The following SHISA9 variants were observed in gnomAD, a reference collection of about 807,000 sequenced individuals.
SHISA9 encodes shisa family member 9.
A neutral mutation model predicts 38.0 loss-of-function variants in SHISA9; 13 were observed. The observed-to-expected ratio is 0.34, with a 90% CI of 0.22 to 0.54. The LOEUF is 0.54. Ranked by LOEUF, SHISA9 falls within the 20% of genes least tolerant of loss-of-function variation. The pLI, the probability that SHISA9 is intolerant of heterozygous loss-of-function variation, is 0.91. For missense variants in SHISA9, 538 were observed against 575.8 expected, an observed-to-expected ratio of 0.93 and a Z score of 0.67; for synonymous variants, 275 against 242.0, an observed-to-expected ratio of 1.14 and a Z score of -1.27.
At chr16:13,317,509 T>G in the SHISA9 span, among the ~76,000 whole-genome samples, 4 of 152,138 alleles carry the variant, frequency 2.6e-5, no homozygotes, top group African/African-American at 9.7e-5. Flanking sequence ...CATGCAGGTT[T>G]GTTACATATG....
At chr16:13,532,983 A>G in the SHISA9 span, among the ~76,000 whole-genome samples, 1 of 151,948 alleles carries the variant, frequency 6.6e-6, no homozygotes, top group Admixed American at 6.6e-5. Context: ...TCAGCCCCTT[A>G]CTTACCTCAT....
intron 2 of SHISA9, among the ~76,000 whole-genome samples, chr16:13,047,672 AATAAAC>A (rs1310853511): frequency 6.6e-6 from 1 of 152,186 alleles, no homozygotes; most frequent in Non-Finnish European, 1.5e-5. Flanking sequence ...AGTGAGAAGA[AATAAAC>A]ATCTATCAAG....
chr16:13,405,275 A>G, the SHISA9 span, among the ~76,000 whole-genome samples: 5 of 152,242 alleles, frequency 3.3e-5, no homozygotes, highest in East Asian at 9.6e-4. Context: ...GAAAGGAAGC[A>G]GACCCCTTCA....
chr16:13,249,363 T>G, the SHISA9 span, among the ~76,000 whole-genome samples: 1 of 152,228 alleles, frequency 6.6e-6, no homozygotes, highest in African/African-American at 2.4e-5. Context: ...GGGCAATCAA[T>G]TTAGCCTCCT....
intron 2 of SHISA9, among the ~76,000 whole-genome samples, chr16:13,046,559 G>A (rs1501307): frequency 0.62 from 94,507 of 152,098 alleles, 30,038 homozygotes; most frequent in Middle Eastern, 0.74. Context: ...TCAATATTCT[G>A]TGCAAAGCAG....
the SHISA9 span, among the ~76,000 whole-genome samples, chr16:13,437,415 C>T: frequency 6.6e-6 from 1 of 152,100 alleles, no homozygotes; most frequent in East Asian, 1.9e-4. Flanking sequence ...TTAATATGCC[C>T]AACCACTCAG....
chr16:13,087,879 G>A (rs1035633972), intron 2 of SHISA9, among the ~76,000 whole-genome samples: 1 of 152,180 alleles, frequency 6.6e-6, no homozygotes, highest in Admixed American at 6.5e-5. Flanking sequence ...TGGTGTTTTA[G>A]TTATGAAGCC....
chr16:13,104,166 G>A (rs1184699631), intron 2 of SHISA9, among the ~76,000 whole-genome samples: 1 of 152,120 alleles, frequency 6.6e-6, no homozygotes, highest in Non-Finnish European at 1.5e-5. Context: ...AGGTTTACCA[G>A]CTTTCCATAT....
chr16:13,269,610 T>A, the SHISA9 span, among the ~76,000 whole-genome samples: 1 of 152,178 alleles, frequency 6.6e-6, no homozygotes, highest in Admixed American at 6.5e-5. Flanking sequence ...GGTTTTCTCA[T>A]CTAACAAATA....
intron 2 of SHISA9, among the ~76,000 whole-genome samples, chr16:13,107,216 G>A (rs2141962825): frequency 6.6e-6 from 1 of 152,038 alleles, no homozygotes; most frequent in Non-Finnish European, 1.5e-5. Context: ...TAGATCACCT[G>A]AGGTCAGTAG....
the SHISA9 span, among the ~76,000 whole-genome samples, chr16:13,418,567 T>C: frequency 6.6e-6 from 1 of 152,144 alleles, no homozygotes; most frequent in Admixed American, 6.5e-5. Flanking sequence ...CCCCCCAGTA[T>C]GGCGGTCTTA....
the SHISA9 span, among the ~76,000 whole-genome samples, chr16:13,559,243 C>T: frequency 6.6e-6 from 1 of 152,128 alleles, no homozygotes; most frequent in African/African-American, 2.4e-5. Flanking sequence ...AGAAACGATT[C>T]TAGAGAACTG....
chr16:13,348,045 C>G, the SHISA9 span, among the ~76,000 whole-genome samples: 1 of 152,096 alleles, frequency 6.6e-6, no homozygotes, highest in African/African-American at 2.4e-5. Flanking sequence ...AATTTCCAAC[C>G]CACATAACTA....
the SHISA9 span, among the ~76,000 whole-genome samples, chr16:13,401,485 C>T: frequency 5.3e-5 from 8 of 152,202 alleles, no homozygotes; most frequent in Non-Finnish European, 1.0e-4. Flanking sequence ...ATAGTGAAGG[C>T]CTAACCCCCC....
At chr16:13,224,376 A>G (rs1180071698) in intron 4 of SHISA9, among the ~76,000 whole-genome samples, 1 of 152,222 alleles carries the variant, frequency 6.6e-6, no homozygotes, top group Non-Finnish European at 1.5e-5. Flanking sequence ...GCGACATAAA[A>G]GCACTTAACC....
chr16:12,944,748 G>T (rs2071667175), intron 2 of SHISA9, among the ~76,000 whole-genome samples: 1 of 152,164 alleles, frequency 6.6e-6, no homozygotes, highest in South Asian at 2.1e-4. Flanking sequence ...CCCTAAGACT[G>T]TTTGGAAAAA....
chr16:13,506,344 C>T, the SHISA9 span, among the ~76,000 whole-genome samples: 1 of 152,050 alleles, frequency 6.6e-6, no homozygotes, highest in Admixed American at 6.6e-5. Flanking sequence ...TGATTTCCAT[C>T]CCAACAGAGG....
At chr16:13,538,861 A>C in the SHISA9 span, among the ~76,000 whole-genome samples, 1,395 of 152,170 alleles carry the variant, frequency 9.2e-3, 70 homozygotes, top group East Asian at 0.14. Flanking sequence ...TCCACACAAA[A>C]CTTTAATAAC....
chr16:12,954,508 C>A (rs1346012424), intron 2 of SHISA9, among the ~76,000 whole-genome samples: 3 of 152,130 alleles, frequency 2.0e-5, no homozygotes, highest in Non-Finnish European at 2.9e-5. Flanking sequence ...TGATGGAGGA[C>A]AGGTTATTCC....
Sources: gnomAD v4.1 joint callset for allele counts (sites outside exome capture counted in the v4.1 genomes callset) on GRCh38, gnomAD v4.1.1 for gene constraint, MANE v1.5 for transcripts, NCBI Gene and HGNC (gene_info 2026-07-23, HGNC 2026-07-21) for gene names.